PDE6A: variants seen among roughly 807,000 people sequenced by gnomAD.
The protein encoded by PDE6A is rod cGMP-specific 3',5'-cyclic phosphodiesterase subunit alpha.
In PDE6A, 84 loss-of-function variants were observed where a neutral mutation model predicts 106.3. The ratio of observed to expected loss-of-function variants is 0.79; its 90% CI spans 0.66 to 0.95. PDE6A has a LOEUF of 0.95. Ranked by LOEUF, PDE6A falls within the 40% of genes least tolerant of loss-of-function variation. The pLI is 0.00. For synonymous variants in PDE6A, 394 were observed against 386.6 expected (o/e 1.02, Z -0.23); for missense variants, 1,052 against 1,084.9 (o/e 0.97, Z 0.43).
At chr5:149,903,147 T>TAAAAAAAAAAAAAAAAAAAAAA (rs373566897) in intron 8 of PDE6A, among the ~76,000 whole-genome samples, 18 of 90,962 alleles carry the variant, frequency 2.0e-4, no homozygotes, top group Non-Finnish European at 2.3e-4. Context: ...AGACCCTCTC[T>TAAAAAAAAAAAAAAAAAAAAAA]AAAAAAAAAA....
intron 1 of PDE6A, among the ~76,000 whole-genome samples, chr5:149,943,463 C>A (rs1023291864): frequency 1.3e-5 from 2 of 152,178 alleles, no homozygotes. Flanking sequence ...CTTTCCCCCA[C>A]AGTGCACTAC....
At chr5:149,924,622 G>A (rs1029516701) in intron 4 of PDE6A, among the ~76,000 whole-genome samples, 2 of 152,066 alleles carry the variant, frequency 1.3e-5, no homozygotes, top group East Asian at 3.9e-4. Context: ...ATGATGACTC[G>A]TTTGTTTCAG....
chr5:149,861,738 A>G (rs954459006), intron 21 of PDE6A, among the ~76,000 whole-genome samples: 2 of 152,208 alleles, frequency 1.3e-5, no homozygotes, highest in Non-Finnish European at 2.9e-5. Context: ...ATTCACATTT[A>G]AAAAAATGTT....
At chr5:149,914,876 C>T (rs911796626) in intron 6 of PDE6A, 67 bp downstream of exon 6, 16 of 1,055,358 alleles carry the variant, frequency 1.5e-5, no homozygotes, top group East Asian at 4.7e-5. Flanking sequence ...CCAGAATCAC[C>T]GATAAAGCCA....
rs1398958331 is a variant in PDE6A at position 149,858,138 on chromosome 5, T to G, written c.*2757A>C. 1.3e-5 allele frequency: 2 copies of G among 152,208 alleles called. No homozygotes were observed. Among genetic ancestry groups the G allele is most frequent in the Non-Finnish European group, 2.9e-5 (2 of 68,036 alleles). The allele number at this position is 152,208 out of a possible 1,614,324, so 9.4% of individuals were successfully genotyped here. A position where few individuals can be genotyped will look rare whatever the true frequency, so the allele number is the denominator to read the frequency against. ...GACTTCAGAAACTTAACCATGGCTA[T>G]GTGAGGTGATGGATATATTAATTAG... is the stretch of plus-strand genomic sequence containing the variant. On this transcript the variant is annotated 3_prime_UTR_variant, in exon 22 of 22. Transcript: ENST00000255266.
At chr5:149,861,102 A>T in intron 21 of PDE6A, 131 bp from the exon 22 acceptor site, 1 of 737,318 alleles carries the variant, frequency 1.4e-6, no homozygotes. Context: ...ACACATGCAG[A>T]AGGCAAACCA....
intron 1 of PDE6A, among the ~76,000 whole-genome samples, chr5:149,942,730 G>A (rs894642201): frequency 7.2e-5 from 11 of 151,782 alleles, no homozygotes; most frequent in Non-Finnish European, 1.3e-4. Context: ...GAGGTTCAGC[G>A]GGAAAACATG....
At chr5:149,899,255 G>C (rs193145864) in intron 9 of PDE6A, 120 bp downstream of exon 9, 17 of 916,952 alleles carry the variant, frequency 1.9e-5, no homozygotes, top group Admixed American at 7.1e-5. Flanking sequence ...TGGTTGATGA[G>C]GCAGAGTCAG....
intron 6 of PDE6A, 91 bp from the exon 7 acceptor site, chr5:149,907,469 C>G: frequency 9.8e-7 from 1 of 1,018,728 alleles, no homozygotes; most frequent in Non-Finnish European, 1.6e-6. Context: ...CCCCTGCTCT[C>G]AGGTGGCTCT....
rs1760093552 is a variant in PDE6A, at chr5:149,860,474, T to C, written c.*421A>G. ...GTCTATGAAAGCTAGAATATTGGTTTTAGCTCAATAGGCAGTTCTCAAGAC... is the reference window on the plus strand; with the variant it reads ...GTCTATGAAAGCTAGAATATTGGTTCTAGCTCAATAGGCAGTTCTCAAGAC... On this transcript the variant is annotated 3_prime_UTR_variant, in exon 22 of 22. Coordinates refer to ENST00000255266, the MANE Select transcript of PDE6A (RefSeq NM_000440.3). The C allele has an allele frequency of 6.4e-6, 1 of 156,426 alleles. No individual in the cohort carries two copies. The highest frequency in any genetic ancestry group is 1.4e-5 in the Non-Finnish European group (1 of 70,954). The allele number at this position is 156,426 out of a possible 1,614,324, so 9.7% of individuals were successfully genotyped here.
At chr5:149,886,005 T>A (rs1752282656) in intron 14 of PDE6A, among the ~76,000 whole-genome samples, 1 of 152,224 alleles carries the variant, frequency 6.6e-6, no homozygotes, top group African/African-American at 2.4e-5. Context: ...TATCTCAAGA[T>A]CCTCGACTTA....
At chr5:149,871,429 A>C (rs1760546167) in intron 17 of PDE6A, among the ~76,000 whole-genome samples, 2 of 152,158 alleles carry the variant, frequency 1.3e-5, no homozygotes, top group African/African-American at 4.8e-5. Context: ...GAGGTCTGGG[A>C]GGTCAGGGAG....
chr5:149,868,380 A>C (rs954654586), intron 17 of PDE6A, among the ~76,000 whole-genome samples: 1 of 152,226 alleles, frequency 6.6e-6, no homozygotes, highest in Non-Finnish European at 1.5e-5. Flanking sequence ...GGGCAACTAC[A>C]CCAACCTCTC....
At chr5:149,939,893 A>G (rs987207574) in intron 1 of PDE6A, 3 of 152,064 alleles carry the variant, frequency 2.0e-5, no homozygotes, top group African/African-American at 7.2e-5. Context: ...ATTAAGAGGA[A>G]TTAAGGCTCT....
At chr5:149,866,344 C>T in intron 19 of PDE6A, 91 bp from the exon 20 acceptor site, 1 of 924,608 alleles carries the variant, frequency 1.1e-6, no homozygotes, top group Non-Finnish European at 1.8e-6. Context: ...AAACTGTAAA[C>T]TCATCATGTT....
chr5:149,885,149 T>C (rs1026095548), intron 14 of PDE6A, among the ~76,000 whole-genome samples: 3 of 152,246 alleles, frequency 2.0e-5, no homozygotes, highest in Non-Finnish European at 4.4e-5. Flanking sequence ...AGGAAACAAC[T>C]GAATTTCCGC....
intron 17 of PDE6A, among the ~76,000 whole-genome samples, chr5:149,868,642 CT>C (rs995972275): frequency 2.0e-5 from 3 of 152,266 alleles, no homozygotes; most frequent in African/African-American, 4.8e-5. Flanking sequence ...TGTTTCTCAA[CT>C]TTTTTTCTCA....
At chr5:149,887,566 C>T (rs1407923997) in intron 13 of PDE6A, among the ~76,000 whole-genome samples, 1 of 152,074 alleles carries the variant, frequency 6.6e-6, no homozygotes, top group Non-Finnish European at 1.5e-5. Context: ...GTGTTAGTCC[C>T]AACTGCACCA....
chr5:149,885,648 G>A (rs1752266964), intron 14 of PDE6A, among the ~76,000 whole-genome samples: 1 of 152,172 alleles, frequency 6.6e-6, no homozygotes, highest in Non-Finnish European at 1.5e-5. Flanking sequence ...GCAGCAGGTA[G>A]GACAAGGAAG....
Sources: gnomAD v4.1 joint callset for allele counts (sites outside exome capture counted in the v4.1 genomes callset) on GRCh38, gnomAD v4.1.1 for gene constraint, MANE v1.5 for transcripts, NCBI Gene and HGNC (gene_info 2026-07-23, HGNC 2026-07-21) for gene names.